HORMAD2: variants seen among roughly 807,000 people sequenced by gnomAD.
The protein encoded by HORMAD2 is HORMA domain-containing protein 2.
A neutral mutation model predicts 38.8 loss-of-function variants in HORMAD2; 45 were observed. That is an observed-to-expected ratio of 1.16 (90% confidence interval 0.91 to 1.49). HORMAD2 has a LOEUF of 1.49. HORMAD2 is among the 40% of genes most tolerant of loss of function. The pLI, the probability that HORMAD2 is intolerant of heterozygous loss-of-function variation, is 0.00. For missense variants in HORMAD2, 338 were observed against 367.0 expected (o/e 0.92, Z 0.65); for synonymous variants, 126 against 122.8 (o/e 1.03, Z -0.17).
downstream of HORMAD2, among the ~76,000 whole-genome samples, chr22:30,180,997 C>T (rs994724047): frequency 2.1e-5 from 3 of 141,236 alleles, no homozygotes; most frequent in African/African-American, 7.9e-5. Flanking sequence ...CTCTCCTCCC[C>T]TAACCTACCC....
chr22:30,151,994 G>A (rs1924780552), intron 10 of HORMAD2, among the ~76,000 whole-genome samples: 1 of 152,106 alleles, frequency 6.6e-6, no homozygotes, highest in African/African-American at 2.4e-5. Context: ...GATGCTTCTA[G>A]TTACCTGTTT....
chr22:30,142,570 T>C (rs1055553827), intron 10 of HORMAD2, among the ~76,000 whole-genome samples: 2 of 152,278 alleles, frequency 1.3e-5, no homozygotes, highest in Non-Finnish European at 1.5e-5. Context: ...TATATTTATT[T>C]TATTTTATTG....
intron 10 of HORMAD2, among the ~76,000 whole-genome samples, chr22:30,166,367 A>G (rs924138429): frequency 6.6e-6 from 1 of 152,212 alleles, no homozygotes; most frequent in Non-Finnish European, 1.5e-5. Flanking sequence ...TGTGATGTCA[A>G]ATAGGTAGCC....
At chr22:30,206,027 C>G in the HORMAD2 span, among the ~76,000 whole-genome samples, 1 of 152,156 alleles carries the variant, frequency 6.6e-6, no homozygotes, top group Non-Finnish European at 1.5e-5. Flanking sequence ...CAACCTAACA[C>G]AAGTCATTGC....
chr22:30,088,260 TATACATATATACACACATATATAC>T (rs2068621041), intron 1 of HORMAD2, among the ~76,000 whole-genome samples: 1 of 150,310 alleles, frequency 6.7e-6, no homozygotes, highest in Admixed American at 6.7e-5. Flanking sequence ...TACACACATA[TATACATATATACACACATATATAC>T]ATACATATAT....
At chr22:30,124,865 G>A (rs747774284) in intron 10 of HORMAD2, among the ~76,000 whole-genome samples, 9 of 152,068 alleles carry the variant, frequency 5.9e-5, no homozygotes, top group East Asian at 1.9e-4. Context: ...CAAAGTGGTC[G>A]TACCAACTTA....
Position 30,165,016 on chromosome 22 carries a change from T to A in HORMAD2, c.820-11047T>A, listed in dbSNP as rs1045544480. Among the ~76,000 whole-genome samples the A allele has an allele frequency of 2.2e-4, 34 of 152,216 alleles. 1 individual carries two copies. The highest frequency in any genetic ancestry group is 1.6e-3 in the Admixed American group (25 of 15,282). On this transcript the variant is annotated intron_variant, in intron 10 of 10. Coordinates refer to ENST00000336726, the MANE Select transcript of HORMAD2 (RefSeq NM_152510.4). ...TGTGTCATATCTAAGAAATCCTTGT[T>A]AATTCCAATGTTATGATGATTTTCC...
chr22:30,172,640 C>A (rs376668975), intron 10 of HORMAD2, among the ~76,000 whole-genome samples: 123 of 152,278 alleles, frequency 8.1e-4, no homozygotes, highest in African/African-American at 2.7e-3. Context: ...GTAATCCCAG[C>A]ACTTTGGGAG....
chr22:30,191,837 T>A, the HORMAD2 span, among the ~76,000 whole-genome samples: 1 of 152,198 alleles, frequency 6.6e-6, no homozygotes, highest in Non-Finnish European at 1.5e-5. Flanking sequence ...TCAAGATGTA[T>A]AAATGTTGTG....
chr22:30,099,873 G>C (rs1029044657), intron 3 of HORMAD2, among the ~76,000 whole-genome samples: 1 of 152,066 alleles, frequency 6.6e-6, no homozygotes, highest in Non-Finnish European at 1.5e-5. Flanking sequence ...GGTGACAAGA[G>C]CAAAACTTCA....
At chr22:30,125,181 G>T (rs2146137330) in intron 10 of HORMAD2, among the ~76,000 whole-genome samples, 1 of 89,890 alleles carries the variant, frequency 1.1e-5, no homozygotes, top group African/African-American at 4.1e-5. Context: ...TTTTTTTCAT[G>T]TTTGTGGCTC....
intron 10 of HORMAD2, among the ~76,000 whole-genome samples, chr22:30,153,036 TC>T (rs1924850105): frequency 6.6e-6 from 1 of 152,252 alleles, no homozygotes; most frequent in Admixed American, 6.5e-5. Flanking sequence ...ACCACTGCCT[TC>T]CCTTTTCCAC....
At chr22:30,093,651 G>C (rs1008136730) in intron 1 of HORMAD2, among the ~76,000 whole-genome samples, 12 of 152,012 alleles carry the variant, frequency 7.9e-5, no homozygotes, top group Non-Finnish European at 1.3e-4. Context: ...TTAACAATAG[G>C]TACTTTTTTC....
chr22:30,176,062 G>A lies in HORMAD2; in HGVS notation c.820-1G>A, dbSNP rs1380387107. 6 of 1,603,630 alleles carry A rather than the reference G, an allele frequency of 3.7e-6. No homozygotes were observed. The highest frequency in any genetic ancestry group is 5.1e-6 in the Non-Finnish European group (6 of 1,170,890). On this transcript the variant is annotated splice_acceptor_variant, in intron 10 of 10. Transcript: ENST00000336726. LOFTEE classifies it high-confidence loss of function. Reference sequence around the variant, plus strand: ...GTGCCTCTCTCTGGTGATTCTCACAGATTCAAAGAATGAATTTTGTGTGCA... The same window carrying A: ...GTGCCTCTCTCTGGTGATTCTCACAAATTCAAAGAATGAATTTTGTGTGCA...
chr22:30,112,930 G>A (rs946190827), intron 7 of HORMAD2, among the ~76,000 whole-genome samples: 2 of 151,596 alleles, frequency 1.3e-5, no homozygotes, highest in African/African-American at 4.8e-5. Flanking sequence ...GGCCTTTTGG[G>A]AAAATAAATG....
intron 1 of HORMAD2, among the ~76,000 whole-genome samples, chr22:30,089,998 C>CTT (rs1291862851): frequency 6.6e-6 from 1 of 152,190 alleles, no homozygotes. Context: ...TTATGTCTGG[C>CTT]TTTTCACTTA....
At chr22:30,190,225 T>C in the HORMAD2 span, among the ~76,000 whole-genome samples, 1 of 152,166 alleles carries the variant, frequency 6.6e-6, no homozygotes, top group Non-Finnish European at 1.5e-5. Context: ...CTCAACCCTC[T>C]CTTTCTCTAC....
intron 10 of HORMAD2, among the ~76,000 whole-genome samples, chr22:30,163,583 C>A (rs1311467332): frequency 6.6e-6 from 1 of 151,942 alleles, no homozygotes; most frequent in Non-Finnish European, 1.5e-5. Context: ...TGTACCACCA[C>A]GCCCAGCTAA....
At chr22:30,111,434 C>T (rs564318825) in intron 5 of HORMAD2, among the ~76,000 whole-genome samples, 32 of 152,012 alleles carry the variant, frequency 2.1e-4, no homozygotes, top group African/African-American at 4.6e-4. Context: ...TGCAGTCAGC[C>T]GATATCATGC....
Sources: allele counts gnomAD v4.1 joint callset (sites outside exome capture counted in the v4.1 genomes callset), GRCh38; gene constraint gnomAD v4.1.1; transcripts MANE v1.5; gene names NCBI Gene and HGNC (gene_info 2026-07-23, HGNC 2026-07-21).